The following NPLOC4 variants were observed in gnomAD, a reference collection of about 807,000 sequenced individuals.
The protein encoded by NPLOC4 is NPL4 homolog, ubiquitin recognition factor.
Under a neutral mutation model 80.6 loss-of-function variants are expected in NPLOC4, and 18 were observed. The ratio of observed to expected loss-of-function variants is 0.22; its 90% CI spans 0.15 to 0.33. The LOEUF is 0.33. Among genes scored for constraint, NPLOC4 ranks in the 10% least tolerant of loss-of-function variants. The pLI is 1.00. For synonymous variants in NPLOC4, 313 were observed against 301.5 expected (o/e 1.04, Z -0.39); for missense variants, 540 against 786.1 (o/e 0.69, Z 3.74).
intron 13 of NPLOC4, 49 bp downstream of exon 13, chr17:81,571,968 A>C: frequency 7.0e-7 from 1 of 1,427,764 alleles, no homozygotes; most frequent in Non-Finnish European, 9.6e-7. Context: ...CCCACCTACA[A>C]GGCGCCCAAT....
At chr17:81,583,265 G>A (rs1372036632) in intron 12 of NPLOC4, among the ~76,000 whole-genome samples, 1 of 152,174 alleles carries the variant, frequency 6.6e-6, no homozygotes, top group African/African-American at 2.4e-5. Flanking sequence ...GGCACTTTCT[G>A]TAACAACCAG....
In NPLOC4 at chr17:81,572,632, G is replaced by A. The variant is rs906176819; in HGVS notation, c.1282-544C>T. Reference sequence around the variant, plus strand: ...AGCCTGAAAAAGCAGTCGTGCTCTCGGGCACTGGGACTCCCCACTGGGAGA... The same window carrying A: ...AGCCTGAAAAAGCAGTCGTGCTCTCAGGCACTGGGACTCCCCACTGGGAGA... On this transcript the variant is annotated intron_variant, in intron 12 of 16. Transcript: ENST00000331134. This position sits in a 1 kb window ranked among gnomAD's most constrained non-coding sequence, Gnocchi z 4.5. Among the ~76,000 whole-genome samples the A allele has an allele frequency of 1.3e-5, 2 of 152,158 alleles. No homozygotes were observed. The highest frequency in any genetic ancestry group is 6.5e-5 in the Admixed American group (1 of 15,276).
At position 81,559,265 on chromosome 17, in the gene NPLOC4, C is replaced by A; in HGVS notation, c.1821G>T (p.Arg607Ser). The A allele has an allele frequency of 6.2e-7, 1 of 1,602,024 alleles. No homozygotes were observed. Among genetic ancestry groups the A allele is most frequent in the Non-Finnish European group, 8.5e-7 (1 of 1,175,158 alleles). ...CCAGCAGAGGGCAGGCGCCCTAGGT[C>A]CTGGGGAGGCTGCACATCTCGCAGT... is the stretch of plus-strand genomic sequence containing the variant. The part of the protein sequence containing the change: ...TGHCEMCSLP[R>S]T Residue 607 changes from arginine to serine, a missense_variant, in exon 17 of 17, where the codon AGG becomes AGT. Arg to Ser is a moderately radical substitution (Grantham distance 110). Around this residue, in one of 6 missense-constraint regions of NPLOC4, gnomAD observed 87 missense variants for 70.3 expected, o/e 1.24. Transcript: ENST00000331134.
chr17:81,571,298 G>A (rs986429621), intron 13 of NPLOC4, among the ~76,000 whole-genome samples: 2 of 152,222 alleles, frequency 1.3e-5, no homozygotes, highest in African/African-American at 2.4e-5. Flanking sequence ...CAGAGCTCCG[G>A]TGGGGCTGAT....
intron 11 of NPLOC4, among the ~76,000 whole-genome samples, chr17:81,595,441 A>C (rs1400989300): frequency 4.8e-5 from 7 of 146,142 alleles, no homozygotes; most frequent in Admixed American, 7.0e-5. Flanking sequence ...AAAAAAAAAA[A>C]AACCCGTTTT....
At position 81,559,386 on chromosome 17, in the gene NPLOC4, T is replaced by C. The variant is rs2033771946; in HGVS notation, c.1700A>G (p.His567Arg). 3.1e-6 allele frequency: 5 copies of C among 1,610,580 alleles called. No individual in the cohort carries two copies. Among genetic ancestry groups the C allele is most frequent in the African/African-American group, 1.3e-5 (1 of 74,996 alleles). Residue 567 changes from histidine to arginine, a missense_variant, in exon 17 of 17, where the codon CAT (histidine) becomes CGT (arginine). His to Arg is a conservative substitution (Grantham distance 29). Around this residue, in one of 6 missense-constraint regions of NPLOC4, gnomAD observed 87 missense variants for 70.3 expected, o/e 1.24. Transcript: ENST00000331134. ...GGAGCCCCCGACGGCGCCGTACTCA[T>C]GGAGACCTGGGAGCTGCCCGCCAAC... The part of the protein sequence containing the change: ...STVGGQLPGL[H>R]EYGAVGGSTH...
chr17:81,623,866 C>T (rs906155318), intron 2 of NPLOC4, among the ~76,000 whole-genome samples: 1 of 151,914 alleles, frequency 6.6e-6, no homozygotes, highest in South Asian at 2.1e-4. Flanking sequence ...AATCATAAAA[C>T]GTCCACTGTG....
chr17:81,559,088 G>T lies in NPLOC4; in HGVS notation c.*171C>A. On this transcript the variant is annotated 3_prime_UTR_variant, in exon 17 of 17. Transcript: ENST00000331134. ...TACCAGCCGTGGCGCCCGCTCTCCA[G>T]GGAGGAACGTGCTGAGAAGCTTCAG... 2 of 705,222 alleles carry T rather than the reference G, an allele frequency of 2.8e-6. No individual in the cohort carries two copies. Among genetic ancestry groups the T allele is most frequent in the Non-Finnish European group, 4.6e-6 (2 of 438,342 alleles). The allele number at this position is 705,222 out of a possible 1,614,324, so 43.7% of individuals were successfully genotyped here.
At position 81,630,435 on chromosome 17, in the gene NPLOC4, C is replaced by T. The variant is rs531896341; in HGVS notation, c.16-630G>A. ...CCCGAGAGCTGGAACCACAGGCTTG[C>T]ACCACCACACCAGGTTAATTTTTTT... is the stretch of plus-strand genomic sequence containing the variant. On this transcript the variant is annotated intron_variant, in intron 1 of 16. Coordinates refer to ENST00000331134, the MANE Select transcript of NPLOC4 (RefSeq NM_017921.4). Among the ~76,000 whole-genome samples, 268 of 152,168 alleles carry T rather than the reference C, an allele frequency of 1.8e-3. 2 individuals are homozygous for T. The highest frequency in any genetic ancestry group is 6.2e-3 in the African/African-American group (258 of 41,516).
At chr17:81,607,651 G>A (rs930227169) in intron 6 of NPLOC4, among the ~76,000 whole-genome samples, 4 of 151,988 alleles carry the variant, frequency 2.6e-5, no homozygotes, top group Non-Finnish European at 5.9e-5. Context: ...CCACAAACAC[G>A]CCCCCACTAG....
chr17:81,614,477 T>G (rs2035427485), intron 3 of NPLOC4: 1 of 151,572 alleles, frequency 6.6e-6, no homozygotes. Flanking sequence ...TGCCAGCTTC[T>G]GCCATCATCA....
chr17:81,608,078 G>C (rs1037396561), intron 6 of NPLOC4, among the ~76,000 whole-genome samples: 1 of 152,166 alleles, frequency 6.6e-6, no homozygotes, highest in Admixed American at 6.5e-5. Flanking sequence ...TCTGGCCACT[G>C]TTACCACCTC....
At chr17:81,633,217 G>T (rs921578418) in intron 1 of NPLOC4, among the ~76,000 whole-genome samples, 4 of 151,556 alleles carry the variant, frequency 2.6e-5, no homozygotes, top group African/African-American at 9.7e-5. Flanking sequence ...CCAGAAAAAC[G>T]TTTTCACAAT....
intron 12 of NPLOC4, among the ~76,000 whole-genome samples, chr17:81,582,202 C>A (rs527497834): frequency 1.3e-5 from 2 of 152,350 alleles, no homozygotes; most frequent in African/African-American, 4.8e-5. Flanking sequence ...CTGCAGGCTG[C>A]AGCAGCACAA....
Position 81,559,369 on chromosome 17 carries a change from C to T in NPLOC4, c.1717G>A (p.Gly573Arg), listed in dbSNP as rs768496713. 4.4e-6 allele frequency: 7 copies of T among 1,609,054 alleles called. No individual in the cohort carries two copies. The highest frequency in any genetic ancestry group is 2.2e-5 in the South Asian group (2 of 90,106). The change falls in exon 17 of 17, where the codon GGG (glycine) becomes AGG (arginine). Residue 573 changes from glycine (G) to arginine (R), a missense_variant. This residue lies in a region of NPLOC4 where 87 missense variants were observed against 70.3 expected (regional missense o/e 1.24). Coordinates refer to ENST00000331134, the MANE Select transcript of NPLOC4 (RefSeq NM_017921.4). The stretch of plus-strand genomic sequence containing the variant: ...GCAGTGGCCGTGTGTGTGGAGCCCC[C>T]GACGGCGCCGTACTCATGGAGACCT... Reference protein sequence around the residue: ...LPGLHEYGAVGGSTHTATAAM... With the variant: ...LPGLHEYGAVRGSTHTATAAM...
intron 16 of NPLOC4, among the ~76,000 whole-genome samples, chr17:81,560,399 C>T (rs569024117): frequency 6.6e-6 from 1 of 150,444 alleles, no homozygotes; most frequent in Non-Finnish European, 1.5e-5. Context: ...GGCGACACAG[C>T]GAGACTCCAT....
intron 7 of NPLOC4, among the ~76,000 whole-genome samples, chr17:81,605,715 G>C (rs2035184610): frequency 6.6e-6 from 1 of 151,936 alleles, no homozygotes; most frequent in Non-Finnish European, 1.5e-5. Context: ...CGGGGTTATA[G>C]GAGGATGGAG....
At chr17:81,608,028 C>A (rs1195721121) in intron 6 of NPLOC4, among the ~76,000 whole-genome samples, 1 of 152,198 alleles carries the variant, frequency 6.6e-6, no homozygotes, top group Non-Finnish European at 1.5e-5. Flanking sequence ...CAAGGGCTTG[C>A]CATGGCTTAA....
At chr17:81,631,379 A>T (rs2035920745) in intron 1 of NPLOC4, among the ~76,000 whole-genome samples, 1 of 148,020 alleles carries the variant, frequency 6.8e-6, no homozygotes, top group Non-Finnish European at 1.5e-5. Flanking sequence ...ACCCCATCCT[A>T]ATTTAATAAC....
Sources: gnomAD v4.1 joint callset for allele counts (sites outside exome capture counted in the v4.1 genomes callset) on GRCh38, gnomAD v4.1.1 for gene constraint, gnomAD v4.1.1 regional missense constraint, Gnocchi (gnomAD v3.1) non-coding constraint, MANE v1.5 for transcripts, NCBI Gene and HGNC (gene_info 2026-07-23, HGNC 2026-07-21) for gene names.